XPNPEP1: variants seen among roughly 807,000 people sequenced by gnomAD.
The protein encoded by XPNPEP1 is X-prolyl aminopeptidase 1, also known as xaa-Pro aminopeptidase 1.
A neutral mutation model predicts 92.4 loss-of-function variants in XPNPEP1; 39 were observed. The ratio of observed to expected loss-of-function variants is 0.42; its 90% confidence interval spans 0.33 to 0.55. The LOEUF is 0.55. Ranked by LOEUF, XPNPEP1 falls within the 20% of genes least tolerant of loss-of-function variation. The probability of loss-of-function intolerance (pLI) is 0.08; values close to 1 mark genes in which losing one functional copy is unlikely to be tolerated. For synonymous variants in XPNPEP1, 307 were observed against 299.4 expected (o/e 1.03, Z -0.26); for missense variants, 654 against 856.1 (o/e 0.76, Z 2.95).
chr10:109,871,785 C>G lies in XPNPEP1; in HGVS notation c.1522+7G>C. On this transcript the variant is annotated splice_region_variant and intron_variant, in intron 17 of 20. Coordinates refer to ENST00000502935, the MANE Select transcript of XPNPEP1 (RefSeq NM_020383.4). ...GAGCCTGCCATGTGACAGAATGCAC[C>G]ACCTACCTTTGGTTCCAGTCGGGAA... 6.2e-7 allele frequency: 1 copy of G among 1,613,092 alleles called. No homozygotes were observed. Among genetic ancestry groups the G allele is most frequent in the African/African-American group, 1.3e-5 (1 of 74,280 alleles).
At chr10:109,896,784 A>C (rs983621943) in intron 3 of XPNPEP1, among the ~76,000 whole-genome samples, 1 of 152,028 alleles carries the variant, frequency 6.6e-6, no homozygotes, top group African/African-American at 2.4e-5. Flanking sequence ...AACCTCAACC[A>C]TATCTACGAA....
intron 3 of XPNPEP1, among the ~76,000 whole-genome samples, chr10:109,905,942 G>A (rs966231877): frequency 1.3e-5 from 2 of 152,118 alleles, no homozygotes; most frequent in African/African-American, 4.8e-5. Flanking sequence ...TTGCTCCTAA[G>A]GCCAGGAAAT....
At chr10:109,918,058 G>A (rs532491492) in intron 1 of XPNPEP1, among the ~76,000 whole-genome samples, 6 of 151,814 alleles carry the variant, frequency 4.0e-5, no homozygotes, top group African/African-American at 1.2e-4. Context: ...AGGCTGCAGT[G>A]AGCCATGATA....
At chr10:109,897,415 C>T (rs1849044149) in intron 3 of XPNPEP1, among the ~76,000 whole-genome samples, 1 of 152,144 alleles carries the variant, frequency 6.6e-6, no homozygotes, top group Non-Finnish European at 1.5e-5. Flanking sequence ...CATACCCTAC[C>T]TTGGATAATG....
At chr10:109,888,287 G>T in intron 6 of XPNPEP1, 95 bp from the exon 7 acceptor site, 2 of 1,501,414 alleles carry the variant, frequency 1.3e-6, no homozygotes, top group South Asian at 1.3e-5. Context: ...TCAGAAAGGT[G>T]GTCCTGCCAT....
intron 7 of XPNPEP1, among the ~76,000 whole-genome samples, chr10:109,887,154 A>T (rs944286790): frequency 2.0e-5 from 3 of 152,212 alleles, no homozygotes; most frequent in African/African-American, 7.2e-5. Flanking sequence ...ACTGAACAGC[A>T]ACATTTGCTC....
intron 1 of XPNPEP1, among the ~76,000 whole-genome samples, chr10:109,918,842 A>C: frequency 2.3e-5 from 1 of 43,170 alleles, no homozygotes; most frequent in Non-Finnish European, 8.9e-5. Context: ...GGAGGAAGGA[A>C]GGAAGGAAGG....
chr10:109,916,346 G>A lies in XPNPEP1; in HGVS notation c.33-1247C>T, dbSNP rs570315872. ...GTCTAGTTTACCTGAGGAAAAGCAA[G>A]AAGGTCAGCGCAGTGTGATTGTATC... On this transcript the variant is annotated intron_variant, in intron 1 of 20. Coordinates refer to ENST00000502935, the MANE Select transcript of XPNPEP1 (RefSeq NM_020383.4). 1.3e-4 allele frequency among the ~76,000 whole-genome samples: 17 copies of A among 134,628 alleles called. No homozygotes were observed. The East Asian group carries it at 3.7e-3, about 29-fold the overall frequency. 88.3% of individuals were successfully genotyped at this position (134,628 alleles called of 152,430 possible). A position where few individuals can be genotyped will look rare whatever the true frequency, so the allele number is the denominator to read the frequency against.
intron 3 of XPNPEP1, among the ~76,000 whole-genome samples, chr10:109,895,678 A>G (rs1848950040): frequency 6.6e-6 from 1 of 152,250 alleles, no homozygotes; most frequent in African/African-American, 2.4e-5. Context: ...CTTAGAACAC[A>G]GCATAGGGCC....
chr10:109,902,223 T>C (rs1318518772), intron 3 of XPNPEP1, among the ~76,000 whole-genome samples: 10 of 152,246 alleles, frequency 6.6e-5, no homozygotes, highest in Admixed American at 6.5e-4. Context: ...GACGAGACTT[T>C]TCAAGTGACA....
chr10:109,915,253 G>A, intron 1 of XPNPEP1, 154 bp from the exon 2 acceptor site: 1 of 419,294 alleles, frequency 2.4e-6, no homozygotes, highest in Non-Finnish European at 4.2e-6. Context: ...ATAAAAGTTT[G>A]ATGTAAAACT....
chr10:109,917,885 T>C (rs1195509709), intron 1 of XPNPEP1, among the ~76,000 whole-genome samples: 2 of 152,194 alleles, frequency 1.3e-5, no homozygotes, highest in Non-Finnish European at 2.9e-5. Flanking sequence ...CAAATGGTGC[T>C]GGGACAAGTG....
intron 1 of XPNPEP1, among the ~76,000 whole-genome samples, chr10:109,922,590 A>G (rs988508507): frequency 2.6e-5 from 4 of 152,204 alleles, no homozygotes; most frequent in Non-Finnish European, 5.9e-5. Flanking sequence ...AAGCCTGGCC[A>G]TGCTGCAAAG....
At chr10:109,874,668 G>T (rs1268865712) in intron 15 of XPNPEP1, among the ~76,000 whole-genome samples, 2 of 152,204 alleles carry the variant, frequency 1.3e-5, no homozygotes, top group Admixed American at 6.5e-5. Context: ...GGTCTTGCTC[G>T]GCTGGGCACA....
chr10:109,865,379 A>G (rs1589531125), intron 20 of XPNPEP1, 67 bp from the exon 21 acceptor site: 7 of 1,600,006 alleles, frequency 4.4e-6, no homozygotes, highest in East Asian at 2.2e-5. Flanking sequence ...TACACAGGTC[A>G]ACAGCAAAGG....
chr10:109,871,708 G>A lies in XPNPEP1; in HGVS notation c.1522+84C>T, dbSNP rs1047330283. ...GATGGGGACCTCACAGTGAAGGAAC[G>A]ACATGTTCTTTCACTCAAACATAGA... On this transcript the variant is annotated intron_variant, in intron 17 of 20. Transcript: ENST00000502935. The A allele has an allele frequency of 8.2e-6, 12 of 1,471,042 alleles. No homozygotes were observed. In the African/African-American group the frequency reaches 9.5e-5, roughly 12 times the overall value. 91.1% of individuals were successfully genotyped at this position (1,471,042 alleles called of 1,614,324 possible).
rs1847041741 is a variant in XPNPEP1, at chr10:109,864,779, T to G, written c.*405A>C. The G allele has an allele frequency of 5.2e-6, 1 of 191,986 alleles. No individual in the cohort carries two copies. The highest frequency in any genetic ancestry group is 1.1e-4 in the South Asian group (1 of 9,286). The allele number at this position is 191,986 out of a possible 1,614,324, so 11.9% of individuals were successfully genotyped here. A position where few individuals can be genotyped will look rare whatever the true frequency, so the allele number is the denominator to read the frequency against. On this transcript the variant is annotated 3_prime_UTR_variant, in exon 21 of 21. Coordinates refer to ENST00000502935, the MANE Select transcript of XPNPEP1 (RefSeq NM_020383.4). ...GCTAAGACAAAGCACAGTTCTGACA[T>G]TTTTATTCACTGATCATAAATATAG...
intron 18 of XPNPEP1, among the ~76,000 whole-genome samples, chr10:109,870,349 T>C (rs138260314): frequency 7.3e-4 from 111 of 152,198 alleles, no homozygotes; most frequent in African/African-American, 2.6e-3. Flanking sequence ...AAAATATATT[T>C]ACAAAGACTT....
chr10:109,906,360 T>C (rs1302466195), intron 3 of XPNPEP1, among the ~76,000 whole-genome samples: 2 of 152,206 alleles, frequency 1.3e-5, no homozygotes, highest in African/African-American at 4.8e-5. Flanking sequence ...GATATAAATG[T>C]AGGTGTTGTC....
Sources: gnomAD v4.1 joint callset for allele counts (sites outside exome capture counted in the v4.1 genomes callset) on GRCh38, gnomAD v4.1.1 for gene constraint, MANE v1.5 for transcripts, NCBI Gene and HGNC (gene_info 2026-07-23, HGNC 2026-07-21) for gene names.